INTS8: variants seen among roughly 807,000 people sequenced by gnomAD.
INTS8 encodes integrator complex subunit 8, also known as protein kaonashi-1.
A neutral mutation model predicts 138.9 loss-of-function variants in INTS8; 47 were observed. That is an observed-to-expected ratio of 0.34 (90% CI 0.27 to 0.43). The LOEUF (loss-of-function observed/expected upper bound fraction) is 0.43, where lower values mean the gene tolerates loss of function less well. INTS8 is among the 20% of genes least tolerant of loss of function. INTS8 has a pLI of 1.00. For missense variants in INTS8, 996 were observed against 1,173.0 expected (o/e 0.85, Z 2.20); for synonymous variants, 392 against 400.9 (o/e 0.98, Z 0.27).
At position 94,880,818 on chromosome 8, in the gene INTS8, T is replaced by C; in HGVS notation, c.*584T>C. ...AGAGTAGTAAAGTGACTTCCTCATATAAATAGTTTGAAAGGGTACTTAAGT... is the reference window on the plus strand; with the variant it reads ...AGAGTAGTAAAGTGACTTCCTCATACAAATAGTTTGAAAGGGTACTTAAGT... On this transcript the variant is annotated 3_prime_UTR_variant, in exon 27 of 27. Transcript: ENST00000523731. The C allele has an allele frequency of 5.0e-6, 2 of 398,614 alleles. No individual in the cohort carries two copies. The highest frequency in any genetic ancestry group is 8.9e-6 in the Non-Finnish European group (2 of 225,810). 24.7% of individuals were successfully genotyped at this position (398,614 alleles called of 1,614,324 possible). A position where few individuals can be genotyped will look rare whatever the true frequency, so the allele number is the denominator to read the frequency against.
intron 1 of INTS8, among the ~76,000 whole-genome samples, chr8:94,824,422 C>T (rs1159435207): frequency 1.3e-5 from 2 of 152,186 alleles, no homozygotes; most frequent in Non-Finnish European, 2.9e-5. Context: ...TTGCTCACAT[C>T]CGTTACCTCC....
intron 14 of INTS8, among the ~76,000 whole-genome samples, chr8:94,855,304 A>G (rs1815704197): frequency 1.3e-5 from 2 of 152,192 alleles, no homozygotes; most frequent in Non-Finnish European, 2.9e-5. Context: ...TCAATGTGTA[A>G]TCGATATAAA....
Position 94,856,347 on chromosome 8 carries a change from T to C in INTS8, c.1753-430T>C, listed in dbSNP as rs188581333. Among the ~76,000 whole-genome samples the C allele has an allele frequency of 4.8e-3, 728 of 152,328 alleles. 7 individuals carry two copies. The highest frequency in any genetic ancestry group is 0.016 in the African/African-American group (645 of 41,570). ...AGGAAAGGACTTGGATCATAGCTGATTTATTTCATTTTATTTGTTAGCCAA... is the reference window on the plus strand; with the variant it reads ...AGGAAAGGACTTGGATCATAGCTGACTTATTTCATTTTATTTGTTAGCCAA... On this transcript the variant is annotated intron_variant, in intron 14 of 26. Transcript: ENST00000523731.
chr8:94,839,916 A>C (rs1283190289), intron 8 of INTS8, among the ~76,000 whole-genome samples: 1 of 152,118 alleles, frequency 6.6e-6, no homozygotes, highest in Non-Finnish European at 1.5e-5. Context: ...AAACCCAAAA[A>C]ACAAAAAAAC....
intron 21 of INTS8, 27 bp from the exon 22 acceptor site, chr8:94,873,346 AT>A (rs752758661): frequency 1.3e-5 from 20 of 1,492,656 alleles, no homozygotes; most frequent in South Asian, 4.5e-5. Context: ...GTTACCTCTA[AT>A]GCTTTATGTC....
intron 21 of INTS8, among the ~76,000 whole-genome samples, chr8:94,872,715 C>T (rs940369800): frequency 7.9e-5 from 12 of 152,170 alleles, no homozygotes; most frequent in African/African-American, 2.7e-4. Flanking sequence ...CCACTTGATA[C>T]GAAACTTTCA....
chr8:94,823,716 C>A (rs919851432), intron 1 of INTS8, among the ~76,000 whole-genome samples, 155 bp downstream of exon 1: 11 of 152,254 alleles, frequency 7.2e-5, no homozygotes, highest in African/African-American at 2.4e-4. Flanking sequence ...TTCCCTTAAA[C>A]ATGCCCGGGT....
chr8:94,832,110 T>G lies in INTS8; in HGVS notation c.689T>G (p.Val230Gly), dbSNP rs1814739933. 1 of 1,613,882 alleles carries G rather than the reference T, an allele frequency of 6.2e-7. No individual in the cohort carries two copies. Among genetic ancestry groups the G allele is most frequent in the Non-Finnish European group, 8.5e-7 (1 of 1,179,944 alleles). The stretch of plus-strand genomic sequence containing the variant: ...TTATTGGCCATGGAACCAGGCATGG[T>G]AAATGGAGAAACTGAGAGTTCTACT... ...LDLLAMEPGM[V>G]NGETESSTAG... The change falls in exon 6 of 27, where the codon GTA becomes GGA. Residue 230 changes from valine (V) to glycine (G), a missense_variant. Physicochemically the swap from Val to Gly is moderately radical, Grantham distance 109. Coordinates refer to ENST00000523731, the MANE Select transcript of INTS8 (RefSeq NM_017864.4).
At chr8:94,853,268 C>T (rs980324970) in intron 13 of INTS8, among the ~76,000 whole-genome samples, 2 of 152,106 alleles carry the variant, frequency 1.3e-5, no homozygotes, top group African/African-American at 2.4e-5. Context: ...GCAGAGATCA[C>T]GCCACTGCAC....
Position 94,838,566 on chromosome 8 carries a change from A to G in INTS8, c.965A>G (p.Gln322Arg), listed in dbSNP as rs1815019452. The change falls in exon 8 of 27, where the codon CAG (glutamine) becomes CGG (arginine). Residue 322 changes from glutamine (Q) to arginine (R), a missense_variant. Gln to Arg is a conservative substitution (Grantham distance 43). Transcript: ENST00000523731. The stretch of plus-strand genomic sequence containing the variant: ...CCTTCTTCTGATAGTACATCTCAAC[A>G]GTTGACTCCATATAGTCAAGTCCAT... The part of the protein sequence containing the change: ...LVPSSDSTSQ[Q>R]LTPYSQVHIC... 1.9e-6 allele frequency: 3 copies of G among 1,613,528 alleles called. No homozygotes were observed. Among genetic ancestry groups the G allele is most frequent in the African/African-American group, 1.3e-5 (1 of 74,922 alleles).
At chr8:94,833,604 A>C (rs1168039440) in intron 6 of INTS8, among the ~76,000 whole-genome samples, 1 of 152,128 alleles carries the variant, frequency 6.6e-6, no homozygotes, top group East Asian at 1.9e-4. Flanking sequence ...TGTTGATGAC[A>C]CTTCTGATTT....
At chr8:94,836,886 C>G (rs1007510187) in intron 7 of INTS8, among the ~76,000 whole-genome samples, 5 of 152,006 alleles carry the variant, frequency 3.3e-5, no homozygotes, top group African/African-American at 1.2e-4. Context: ...TGTAAATACT[C>G]TGTATCTTGC....
Position 94,845,714 on chromosome 8 carries a change from G to A in INTS8, c.1260+3226G>A, listed in dbSNP as rs1815309573. ...CTGACCTCATGATCTGCCCGCCTCGGCCTCCCAAAGTGCTGGGATTACAGG... is the reference window on the plus strand; with the variant it reads ...CTGACCTCATGATCTGCCCGCCTCGACCTCCCAAAGTGCTGGGATTACAGG... On this transcript the variant is annotated intron_variant, in intron 10 of 26. Transcript: ENST00000523731. 2.0e-5 allele frequency among the ~76,000 whole-genome samples: 3 copies of A among 152,246 alleles called. No individual in the cohort carries two copies. In the South Asian group the frequency reaches 6.2e-4, roughly 32 times the overall value.
intron 7 of INTS8, 54 bp downstream of exon 7, chr8:94,836,685 A>AT (rs1484569328): frequency 1.8e-6 from 2 of 1,111,962 alleles, no homozygotes; most frequent in Non-Finnish European, 1.3e-6. Context: ...ACATCTATAC[A>AT]TTTTTTTGGC....
intron 10 of INTS8, among the ~76,000 whole-genome samples, chr8:94,848,519 A>T (rs1305525985): frequency 6.6e-6 from 1 of 152,136 alleles, no homozygotes; most frequent in Non-Finnish European, 1.5e-5. Context: ...TGAGGCAACT[A>T]CTAATCTAAT....
At chr8:94,846,603 A>G (rs956664475) in intron 10 of INTS8, among the ~76,000 whole-genome samples, 3 of 152,116 alleles carry the variant, frequency 2.0e-5, no homozygotes, top group South Asian at 2.1e-4. Context: ...TGTGCTGGCT[A>G]TTACCTCCAG....
intron 3 of INTS8, 149 bp downstream of exon 3, chr8:94,827,552 G>T: frequency 3.6e-6 from 4 of 1,117,132 alleles, no homozygotes; most frequent in Non-Finnish European, 5.2e-6. Flanking sequence ...GAAAATTTGT[G>T]ACTGCATAGA....
chr8:94,826,474 C>T (rs75687246), intron 2 of INTS8, among the ~76,000 whole-genome samples: 2,412 of 152,050 alleles, frequency 0.016, 43 homozygotes, highest in East Asian at 0.076. Flanking sequence ...GGAAGCTATA[C>T]GTTATAGACT....
intron 18 of INTS8, 58 bp from the exon 19 acceptor site, chr8:94,867,082 G>A: frequency 4.7e-6 from 6 of 1,266,246 alleles, no homozygotes; most frequent in Non-Finnish European, 6.7e-6. Flanking sequence ...GTTGACAGGA[G>A]CAATATTAAA....
Sources: gnomAD v4.1 joint callset for allele counts (sites outside exome capture counted in the v4.1 genomes callset) on GRCh38, gnomAD v4.1.1 for gene constraint, MANE v1.5 for transcripts, NCBI Gene and HGNC (gene_info 2026-07-23, HGNC 2026-07-21) for gene names.